The following CAST variants were observed in gnomAD, a reference collection of about 807,000 sequenced individuals.
CAST encodes calpastatin.
Under a neutral mutation model 119.6 loss-of-function variants are expected in CAST, and 76 were observed. That is an observed-to-expected ratio of 0.64 (90% CI 0.53 to 0.77). The LOEUF (loss-of-function observed/expected upper bound fraction) is 0.77. Among genes scored for constraint, CAST ranks in the 30% least tolerant of loss-of-function variants. The pLI, the probability that CAST is intolerant of heterozygous loss-of-function variation, is 0.00. For missense variants in CAST, 953 were observed against 946.5 expected (o/e 1.01, Z -0.09); for synonymous variants, 319 against 331.6 (o/e 0.96, Z 0.41).
At chr5:96,542,179 G>A (rs189348863) in intron 1 of CAST, among the ~76,000 whole-genome samples, 101 of 152,090 alleles carry the variant, frequency 6.6e-4, no homozygotes, top group African/African-American at 2.2e-3. Context: ...GCGAGGTGGC[G>A]GGTGCCTGTA....
chr5:96,737,764 A>G, intron 10 of CAST, 85 bp from the exon 11 acceptor site: 1 of 716,380 alleles, frequency 1.4e-6, no homozygotes, highest in Admixed American at 2.6e-5. Flanking sequence ...TGGTTTTTCT[A>G]CACAGAATGG....
At chr5:96,677,293 C>T (rs564145636) in intron 2 of CAST, among the ~76,000 whole-genome samples, 20 of 152,246 alleles carry the variant, frequency 1.3e-4, no homozygotes, top group African/African-American at 4.8e-4. Context: ...CCAATATGGT[C>T]AAGTGGATGC....
intron 1 of CAST, among the ~76,000 whole-genome samples, chr5:96,590,683 A>G (rs72656693): frequency 0.028 from 4,291 of 152,302 alleles, 217 homozygotes; most frequent in East Asian, 0.24. Flanking sequence ...TTGGGCACAG[A>G]CAAATCAACA....
the CAST span, among the ~76,000 whole-genome samples, chr5:96,185,073 T>C: frequency 2.6e-5 from 4 of 152,208 alleles, no homozygotes; most frequent in East Asian, 7.7e-4. Flanking sequence ...TATCTCATTG[T>C]GGTTTTGATT....
intron 10 of CAST, among the ~76,000 whole-genome samples, chr5:96,737,591 G>A (rs1354316460): frequency 6.6e-6 from 1 of 152,134 alleles, no homozygotes; most frequent in Non-Finnish European, 1.5e-5. Context: ...ATTTGTTCAT[G>A]TATGTAATGC....
chr5:96,763,123 A>T (rs76698024), intron 25 of CAST: 1 of 779,648 alleles, frequency 1.3e-6, no homozygotes, highest in Non-Finnish European at 2.4e-6. Context: ...ACTTTAGCGA[A>T]GTCAGCTATG....
chr5:96,610,633 A>G (rs1436341547), intron 1 of CAST, among the ~76,000 whole-genome samples: 1 of 152,098 alleles, frequency 6.6e-6, no homozygotes, highest in Non-Finnish European at 1.5e-5. Flanking sequence ...CACTCTTACC[A>G]CTCCTATTCA....
the CAST span, among the ~76,000 whole-genome samples, chr5:96,056,081 A>G: frequency 6.6e-6 from 1 of 152,106 alleles, no homozygotes; most frequent in Non-Finnish European, 1.5e-5. Flanking sequence ...AGAGTTCCTA[A>G]AATCAGCTTA....
chr5:96,604,245 G>A (rs1026334103), intron 1 of CAST, among the ~76,000 whole-genome samples: 1 of 152,102 alleles, frequency 6.6e-6, no homozygotes, highest in Non-Finnish European at 1.5e-5. Flanking sequence ...CCAAAACATT[G>A]TTATGTAACA....
chr5:96,185,070 T>C, the CAST span, among the ~76,000 whole-genome samples: 1 of 152,192 alleles, frequency 6.6e-6, no homozygotes, highest in African/African-American at 2.4e-5. Context: ...TAGTATCTCA[T>C]TGTGGTTTTG....
the CAST span, among the ~76,000 whole-genome samples, chr5:96,408,490 T>C: frequency 2.0e-5 from 3 of 152,228 alleles, no homozygotes; most frequent in Admixed American, 1.3e-4. Flanking sequence ...TGCCATCTGC[T>C]GATATTTTAG....
chr5:96,404,928 T>C, the CAST span, among the ~76,000 whole-genome samples: 1 of 152,212 alleles, frequency 6.6e-6, no homozygotes, highest in African/African-American at 2.4e-5. Flanking sequence ...CTAATCAATA[T>C]TGGGTGCCAT....
At chr5:96,197,081 C>G in the CAST span, among the ~76,000 whole-genome samples, 1 of 152,162 alleles carries the variant, frequency 6.6e-6, no homozygotes, top group Non-Finnish European at 1.5e-5. Context: ...ACATGTTCAG[C>G]ACTTTCATTA....
At chr5:96,272,129 G>A in the CAST span, among the ~76,000 whole-genome samples, 1 of 152,094 alleles carries the variant, frequency 6.6e-6, no homozygotes, top group African/African-American at 2.4e-5. Context: ...ACAAAGATGT[G>A]CAGAAAGGGA....
the CAST span, among the ~76,000 whole-genome samples, chr5:96,310,523 G>A: frequency 2.4e-3 from 354 of 149,122 alleles, 3 homozygotes; most frequent in South Asian, 0.016. Context: ...TTCTTTAAAC[G>A]TTTGGTTAAA....
chr5:96,480,461 A>G, the CAST span, among the ~76,000 whole-genome samples: 2 of 152,200 alleles, frequency 1.3e-5, no homozygotes, highest in Non-Finnish European at 2.9e-5. Flanking sequence ...ATTGAAGTAG[A>G]TATGTCTTGT....
chr5:96,113,772 G>A, the CAST span, among the ~76,000 whole-genome samples: 2 of 152,208 alleles, frequency 1.3e-5, no homozygotes, highest in African/African-American at 2.4e-5. Context: ...AGGTTTTTAA[G>A]TTCTAAATAA....
chr5:96,767,899 T>G lies in CAST; in HGVS notation c.2176-8T>G. ...CTTCACTGATGGTTATTTCTACTCA[T>G]ATCTCAGAAACCTGCAGATGACCAA... On this transcript the variant is annotated splice_region_variant and splice_polypyrimidine_tract_variant and intron_variant, in intron 28 of 31. Transcript: ENST00000675179. 6.3e-7 allele frequency: 1 copy of G among 1,597,286 alleles called. No homozygotes were observed. The highest frequency in any genetic ancestry group is 8.6e-7 in the Non-Finnish European group (1 of 1,164,864).
At chr5:96,195,355 T>A in the CAST span, among the ~76,000 whole-genome samples, 1 of 152,162 alleles carries the variant, frequency 6.6e-6, no homozygotes. Flanking sequence ...TACTGATTCC[T>A]GGACCTCAAC....
Sources: allele counts gnomAD v4.1 joint callset (sites outside exome capture counted in the v4.1 genomes callset), GRCh38; gene constraint gnomAD v4.1.1; transcripts MANE v1.5; gene names NCBI Gene and HGNC (gene_info 2026-07-23, HGNC 2026-07-21).